The following MRPL21 variants were observed in gnomAD, a reference collection of about 807,000 sequenced individuals.
MRPL21 encodes the protein large ribosomal subunit protein bL21m.
Under a neutral mutation model 27.3 loss-of-function variants are expected in MRPL21, and 20 were observed. That is an observed-to-expected ratio of 0.73 (90% CI 0.52 to 1.06). The LOEUF (loss-of-function observed/expected upper bound fraction) is 1.06. MRPL21 is among the 50% of genes least tolerant of loss of function. The pLI is 0.00. For synonymous variants in MRPL21, 98 were observed against 101.5 expected, an observed-to-expected ratio of 0.97 and a Z score of 0.21; for missense variants, 249 against 251.4, an observed-to-expected ratio of 0.99 and a Z score of 0.06.
intron 4 of MRPL21, among the ~76,000 whole-genome samples, chr11:68,895,511 G>A (rs1212650241): frequency 1.3e-5 from 2 of 151,320 alleles, no homozygotes; most frequent in African/African-American, 4.9e-5. Flanking sequence ...TTAGCAGGGC[G>A]TGGTGGCATG....
At chr11:68,899,749 T>C (rs1479727593) in intron 2 of MRPL21, among the ~76,000 whole-genome samples, 3 of 152,156 alleles carry the variant, frequency 2.0e-5, no homozygotes, top group African/African-American at 4.8e-5. Context: ...TGCCGCTTCT[T>C]TGAGAAGCAA....
At chr11:68,895,448 G>A (rs1177816472) in intron 4 of MRPL21, among the ~76,000 whole-genome samples, 2 of 151,066 alleles carry the variant, frequency 1.3e-5, no homozygotes, top group Admixed American at 6.6e-5. Context: ...TCAGGAGTTC[G>A]AGACCAGCCT....
rs1857690966 is a variant in MRPL21 at position 68,893,011 on chromosome 11, C to A, written c.450-18G>T. 1 of 1,546,588 alleles carries A rather than the reference C, an allele frequency of 6.5e-7. No homozygotes were observed. Among genetic ancestry groups the A allele is most frequent in the Non-Finnish European group, 8.7e-7 (1 of 1,150,508 alleles). Reference sequence around the variant, plus strand: ...GATCCTTTCTAGAAGGAAGAAAAATCAACAATAATGTACCTTTTGGATTAT... The same window carrying A: ...GATCCTTTCTAGAAGGAAGAAAAATAAACAATAATGTACCTTTTGGATTAT... On this transcript the variant is annotated intron_variant, in intron 5 of 6. Coordinates refer to ENST00000362034, the MANE Select transcript of MRPL21 (RefSeq NM_181514.2).
rs754202065 is a variant in MRPL21 at position 68,897,911 on chromosome 11, C to G, written c.232+16G>C. The G allele has an allele frequency of 2.1e-5, 33 of 1,608,850 alleles. No homozygotes were observed. In the South Asian group the frequency reaches 3.5e-4, roughly 17 times the overall value. ...AGGTGGTGCCCTCTAGCTTCTGTCTCCCAGGGAGGTCTTACCTGCATGGTG... is the reference window on the plus strand; with the variant it reads ...AGGTGGTGCCCTCTAGCTTCTGTCTGCCAGGGAGGTCTTACCTGCATGGTG... On this transcript the variant is annotated intron_variant, in intron 3 of 6. Coordinates refer to ENST00000362034, the MANE Select transcript of MRPL21 (RefSeq NM_181514.2).
At chr11:68,897,057 G>A (rs148914107) in intron 3 of MRPL21, among the ~76,000 whole-genome samples, 55 of 152,352 alleles carry the variant, frequency 3.6e-4, no homozygotes, top group African/African-American at 1.3e-3. Flanking sequence ...ATGAGAATGA[G>A]GAGCCAGCAG....
chr11:68,902,705 T>C (rs1857987565), intron 1 of MRPL21, among the ~76,000 whole-genome samples: 2 of 152,232 alleles, frequency 1.3e-5, no homozygotes, highest in Admixed American at 6.5e-5. Context: ...TAGTGTACAT[T>C]CTATGGATTT....
intron 6 of MRPL21, 65 bp downstream of exon 6, chr11:68,892,825 C>T (rs1166024208): frequency 4.4e-6 from 7 of 1,574,702 alleles, no homozygotes; most frequent in East Asian, 2.3e-5. Context: ...CCACACCCTC[C>T]GTCCGCATGC....
chr11:68,893,301 A>C, intron 5 of MRPL21, 102 bp downstream of exon 5: 1 of 1,574,878 alleles, frequency 6.3e-7, no homozygotes, highest in South Asian at 1.1e-5. Context: ...GTCAACAAAG[A>C]ATATGAATGC....
chr11:68,893,835 A>T (rs1487662359), intron 4 of MRPL21, among the ~76,000 whole-genome samples: 1 of 152,112 alleles, frequency 6.6e-6, no homozygotes, highest in Non-Finnish European at 1.5e-5. Flanking sequence ...GCACTTTGGG[A>T]GGCCGAGGTG....
intron 6 of MRPL21, chr11:68,891,951 G>C: frequency 1.5e-6 from 1 of 678,964 alleles, no homozygotes; most frequent in Non-Finnish European, 2.2e-6. Context: ...GATGTCCTCA[G>C]TGCAGACCTG....
chr11:68,894,122 A>T lies in MRPL21; in HGVS notation c.397-667T>A, dbSNP rs148746074. 2.3e-3 allele frequency among the ~76,000 whole-genome samples: 353 copies of T among 152,332 alleles called. 1 individual carries two copies. Among genetic ancestry groups the T allele is most frequent in the African/African-American group, 7.4e-3 (307 of 41,582 alleles). ...ATCATACCATTGTGTCTCTTGGCGC[A>T]GTTTACAGTTCTACTAATATTGCAA... is the stretch of plus-strand genomic sequence containing the variant. On this transcript the variant is annotated intron_variant, in intron 4 of 6. Transcript: ENST00000362034.
At chr11:68,901,697 G>A (rs1402528986) in intron 1 of MRPL21, among the ~76,000 whole-genome samples, 6 of 152,210 alleles carry the variant, frequency 3.9e-5, no homozygotes, top group East Asian at 1.9e-4. Context: ...CATCCAGTCC[G>A]ATGGATTTAA....
chr11:68,891,571 C>G (rs1319892354), intron 6 of MRPL21, 176 bp from the exon 7 acceptor site: 1 of 668,028 alleles, frequency 1.5e-6, no homozygotes, highest in Non-Finnish European at 2.7e-6. Flanking sequence ...TGTTCGTTCA[C>G]TCTGTTGGCA....
intron 5 of MRPL21, 31 bp downstream of exon 5, chr11:68,893,372 C>G: frequency 6.2e-7 from 1 of 1,613,982 alleles, no homozygotes; most frequent in Non-Finnish European, 8.5e-7. Flanking sequence ...CCTGGAGCCC[C>G]AGACAAAGCC....
At chr11:68,892,727 G>A (rs1857678039) in intron 6 of MRPL21, 163 bp downstream of exon 6, 1 of 1,534,850 alleles carries the variant, frequency 6.5e-7, no homozygotes, top group Non-Finnish European at 8.7e-7. Flanking sequence ...GGACCCTCTG[G>A]GTGCTCCCTC....
At chr11:68,896,421 C>A in intron 4 of MRPL21, 94 bp downstream of exon 4, 1 of 1,464,548 alleles carries the variant, frequency 6.8e-7, no homozygotes, top group South Asian at 1.2e-5. Context: ...GAGACGGGGT[C>A]GGCGAGGGTC....
intron 4 of MRPL21, 86 bp from the exon 5 acceptor site, chr11:68,893,541 C>A (rs1857706048): frequency 6.6e-7 from 1 of 1,508,120 alleles, no homozygotes; most frequent in Non-Finnish European, 9.2e-7. Context: ...ATGTCAACAC[C>A]ACACAAAATG....
At chr11:68,891,524 GT>G in intron 6 of MRPL21, 129 bp from the exon 7 acceptor site, 1 of 875,194 alleles carries the variant, frequency 1.1e-6, no homozygotes, top group Non-Finnish European at 1.9e-6. Flanking sequence ...ACATGGCCGT[GT>G]TTATCTCCAG....
Position 68,892,926 on chromosome 11 carries a change from T to C in MRPL21, c.517A>G (p.Arg173Gly). The C allele has an allele frequency of 1.2e-6, 2 of 1,613,626 alleles. No homozygotes were observed. Among genetic ancestry groups the C allele is most frequent in the Non-Finnish European group, 1.7e-6 (2 of 1,179,744 alleles). ...TTGAAGTTTTTCCTTTTCCTGAATC[T>C]CATAATGATTCTTGGCCATGATTCT... ...KTESWPRIIM[R>G]FRKRKNFKKK... Residue 173 changes from arginine to glycine, a missense_variant, in exon 6 of 7, where the codon AGA becomes GGA. By Grantham distance (125) the Arg-to-Gly change is moderately radical. Transcript: ENST00000362034.
Sources: allele counts gnomAD v4.1 joint callset (sites outside exome capture counted in the v4.1 genomes callset), GRCh38; gene constraint gnomAD v4.1.1; transcripts MANE v1.5; gene names NCBI Gene and HGNC (gene_info 2026-07-23, HGNC 2026-07-21).